SCP2: variants seen among roughly 807,000 people sequenced by gnomAD.
SCP2 encodes the protein sterol carrier protein 2, also known as SCP-2/3-oxoacyl-CoA thiolase.
SCP2 carries 48 observed loss-of-function variants against 71.4 expected under a neutral mutation model. The observed-to-expected ratio is 0.67, with a 90% CI of 0.53 to 0.86. The LOEUF (loss-of-function observed/expected upper bound fraction) is 0.86. SCP2 is among the 40% of genes least tolerant of loss of function. The probability of loss-of-function intolerance (pLI) is 0.00; values close to 1 mark genes in which losing one functional copy is unlikely to be tolerated. For synonymous variants in SCP2, 220 were observed against 218.1 expected (o/e 1.01, Z -0.08); for missense variants, 560 against 655.6 (o/e 0.85, Z 1.59).
At chr1:52,999,815 GTT>G (rs60893788) in intron 11 of SCP2, among the ~76,000 whole-genome samples, 20 of 109,370 alleles carry the variant, frequency 1.8e-4, no homozygotes, top group Admixed American at 9.5e-4. Flanking sequence ...CTGAACACTT[GTT>G]TTTTTTTTTT....
At chr1:53,025,992 T>C (rs1277043517) in intron 12 of SCP2, among the ~76,000 whole-genome samples, 2 of 152,204 alleles carry the variant, frequency 1.3e-5, no homozygotes, top group Non-Finnish European at 2.9e-5. Flanking sequence ...CATACTCCTT[T>C]CTCCCTCAGG....
chr1:52,950,959 A>G, intron 4 of SCP2, 73 bp downstream of exon 4: 2 of 1,478,236 alleles, frequency 1.4e-6, no homozygotes, highest in Admixed American at 1.7e-5. Flanking sequence ...CATCAGAGGA[A>G]TTATTTTATA....
intron 11 of SCP2, chr1:52,993,523 T>C: frequency 6.2e-7 from 1 of 1,612,500 alleles, no homozygotes; most frequent in Middle Eastern, 2.2e-4. Flanking sequence ...TGCCTCTATC[T>C]GTGACTGAAA....
intron 6 of SCP2, among the ~76,000 whole-genome samples, chr1:52,974,202 T>A (rs972192381): frequency 1.2e-4 from 18 of 151,922 alleles, no homozygotes; most frequent in African/African-American, 3.4e-4. Flanking sequence ...TAAAAAAAAA[T>A]TTTTTTTGCG....
At chr1:52,969,259 A>G (rs542177537) in intron 6 of SCP2, among the ~76,000 whole-genome samples, 53 of 152,220 alleles carry the variant, frequency 3.5e-4, no homozygotes, top group African/African-American at 1.3e-3. Flanking sequence ...GGATATGGTG[A>G]TACACACCTG....
chr1:52,972,457 A>G (rs1037170552), intron 6 of SCP2, among the ~76,000 whole-genome samples: 3 of 152,212 alleles, frequency 2.0e-5, no homozygotes, highest in Admixed American at 6.5e-5. Context: ...TACGAACATT[A>G]TTGAACATCT....
chr1:52,985,409 T>C (rs1193178922), intron 10 of SCP2, among the ~76,000 whole-genome samples: 1 of 152,172 alleles, frequency 6.6e-6, no homozygotes, highest in African/African-American at 2.4e-5. Flanking sequence ...TAAGTCCTGT[T>C]GGCTATGGAC....
chr1:52,996,090 T>C, intron 11 of SCP2: 2 of 762,924 alleles, frequency 2.6e-6, no homozygotes, highest in Non-Finnish European at 3.7e-6. Context: ...CTGCCCCTTT[T>C]CTCTACCTCA....
At chr1:52,960,147 C>T (rs1229979535) in intron 5 of SCP2, among the ~76,000 whole-genome samples, 1 of 151,998 alleles carries the variant, frequency 6.6e-6, no homozygotes, top group African/African-American at 2.4e-5. Flanking sequence ...GCCTGGCCTC[C>T]CAAATTGCTG....
chr1:52,928,822 A>G, intron 1 of SCP2: 2 of 154,536 alleles, frequency 1.3e-5, no homozygotes, highest in Middle Eastern at 1.0e-3. Context: ...CCAATACCTT[A>G]TGAAGCGGAA....
intron 1 of SCP2, among the ~76,000 whole-genome samples, chr1:52,934,484 GGATCCATTGAATGGATCAGTAAGA>G (rs1013813026): frequency 6.7e-6 from 1 of 148,200 alleles, no homozygotes; most frequent in Non-Finnish European, 1.5e-5. Flanking sequence ...ACTCATTTAT[GGATCCATTGAATGGATCAGTAAGA>G]GATCCATTCA....
rs1369910141 is a variant in SCP2, at chr1:52,999,817, T to G, written c.1081+11681T>G. On this transcript the variant is annotated intron_variant, in intron 11 of 15. Transcript: ENST00000371514. ...TATCCAACACTTACTGAACACTTGT[T>G]TTTTTTTTTTTTTTTTTGAGACAGA... Among the ~76,000 whole-genome samples, 6 of 103,014 alleles carry G rather than the reference T, an allele frequency of 5.8e-5. No individual in the cohort carries two copies. The East Asian group carries it at 1.1e-3, about 19-fold the overall frequency. 67.6% of individuals were successfully genotyped at this position (103,014 alleles called of 152,430 possible). A position where few individuals can be genotyped will look rare whatever the true frequency, so the allele number is the denominator to read the frequency against.
At chr1:53,007,232 A>G (rs577873553) in intron 11 of SCP2, among the ~76,000 whole-genome samples, 1 of 152,346 alleles carries the variant, frequency 6.6e-6, no homozygotes, top group South Asian at 2.1e-4. Flanking sequence ...AGAGAAAGTT[A>G]ACAAGGATAT....
rs771187094 is a variant in SCP2, at chr1:52,974,833, G to A, written c.587+1G>A. 4 of 1,405,244 alleles carry A rather than the reference G, an allele frequency of 2.8e-6. No homozygotes were observed. The highest frequency in any genetic ancestry group is 2.8e-5 in the African/African-American group (2 of 70,740). 87.0% of individuals were successfully genotyped at this position (1,405,244 alleles called of 1,614,324 possible). ...ATCATAAACATTCAGTTAATAACCCGTAAGTATTTCAGAGACATGAAATAA... is the reference window on the plus strand; with the variant it reads ...ATCATAAACATTCAGTTAATAACCCATAAGTATTTCAGAGACATGAAATAA... On this transcript the variant is annotated splice_donor_variant, in intron 7 of 15. Coordinates refer to ENST00000371514, the MANE Select transcript of SCP2 (RefSeq NM_002979.5). LOFTEE classifies it high-confidence loss of function.
intron 13 of SCP2, among the ~76,000 whole-genome samples, chr1:53,032,852 A>G (rs886678678): frequency 5.3e-5 from 8 of 152,226 alleles, no homozygotes; most frequent in Admixed American, 1.3e-4. Flanking sequence ...ATGTCTGCCC[A>G]ACTATTTGTA....
intron 3 of SCP2, among the ~76,000 whole-genome samples, chr1:52,948,289 A>G (rs777479769): frequency 6.6e-6 from 1 of 152,216 alleles, no homozygotes; most frequent in Non-Finnish European, 1.5e-5. Flanking sequence ...TTGTGTGTCA[A>G]CCTAGTGTAA....
chr1:53,014,624 A>AT (rs1661208244), intron 11 of SCP2, among the ~76,000 whole-genome samples: 1 of 152,058 alleles, frequency 6.6e-6, no homozygotes, highest in Non-Finnish European at 1.5e-5. Context: ...TTTTTATGCC[A>AT]TTTTCCCTGG....
In SCP2 at chr1:52,974,829, A is replaced by G; in HGVS notation, c.584A>G (p.Asn195Ser). 7.0e-7 allele frequency: 1 copy of G among 1,423,570 alleles called. No individual in the cohort carries two copies. The highest frequency in any genetic ancestry group is 9.9e-7 in the Non-Finnish European group (1 of 1,006,414). The allele number at this position is 1,423,570 out of a possible 1,614,324, so 88.2% of individuals were successfully genotyped here. A position where few individuals can be genotyped will look rare whatever the true frequency, so the allele number is the denominator to read the frequency against. Reference protein sequence around the residue: ...GWKNHKHSVNNPYSQFQDEYS... With the variant: ...GWKNHKHSVNSPYSQFQDEYS... ...AAAAATCATAAACATTCAGTTAATA[A>G]CCCGTAAGTATTTCAGAGACATGAA... Residue 195 changes from asparagine (N) to serine (S), a missense_variant, in exon 7 of 16, where the codon AAC becomes AGC. Physicochemically the swap from Asn to Ser is conservative, Grantham distance 46. Around this residue, in one of 3 missense-constraint regions of SCP2, gnomAD observed 513 missense variants for 573.1 expected, o/e 0.90. Transcript: ENST00000371514.
chr1:53,045,657 G>A lies in SCP2; in HGVS notation c.1469-2201G>A, dbSNP rs57399574. 4.5e-3 allele frequency among the ~76,000 whole-genome samples: 682 copies of A among 152,076 alleles called. 7 individuals carry two copies. Among genetic ancestry groups the A allele is most frequent in the African/African-American group, 0.016 (654 of 41,488 alleles). On this transcript the variant is annotated intron_variant, in intron 14 of 15. Transcript: ENST00000371514. Reference sequence around the variant, plus strand: ...AGAGTTTTAGTTCCTCCACATTTTTGACAGTACTTGGTACTTGCCAGGTTT... The same window carrying A: ...AGAGTTTTAGTTCCTCCACATTTTTAACAGTACTTGGTACTTGCCAGGTTT...
Sources: gnomAD v4.1 joint callset for allele counts (sites outside exome capture counted in the v4.1 genomes callset) on GRCh38, gnomAD v4.1.1 for gene constraint, gnomAD v4.1.1 regional missense constraint, MANE v1.5 for transcripts, NCBI Gene and HGNC (gene_info 2026-07-23, HGNC 2026-07-21) for gene names.